Variants in KLHL41 observed in about 807,000 individuals in gnomAD.
KLHL41 encodes the protein kelch-like protein 41.
In KLHL41, 31 loss-of-function variants were observed where a neutral mutation model predicts 49.2. The observed-to-expected ratio is 0.63, with a 90% CI of 0.47 to 0.85. The LOEUF (loss-of-function observed/expected upper bound fraction) is 0.85, where lower values mean the gene tolerates loss of function less well. Among genes scored for constraint, KLHL41 ranks in the 40% least tolerant of loss-of-function variants. KLHL41 has a pLI of 0.00. For synonymous variants in KLHL41, 218 were observed against 258.5 expected (o/e 0.84, Z 1.50); for missense variants, 663 against 726.7 (o/e 0.91, Z 1.01).
In KLHL41 at chr2:169,518,233, G is replaced by A; in HGVS notation, c.1420G>A (p.Asp474Asn). 2 of 1,613,824 alleles carry A rather than the reference G, an allele frequency of 1.2e-6. No individual in the cohort carries two copies. Among genetic ancestry groups the A allele is most frequent in the Non-Finnish European group, 1.7e-6 (2 of 1,179,816 alleles). ...RVFIFNPKKG[D>N]WKDLAPMKIP... ...GTTTATCTTCAACCCCAAAAAAGGA[G>A]ATTGGAAAGATCTGGCTCCAATGAA... Residue 474 changes from aspartate to asparagine, a missense_variant, in exon 4 of 6, where the codon GAT (aspartate) becomes AAT (asparagine). Coordinates refer to ENST00000284669, the MANE Select transcript of KLHL41 (RefSeq NM_006063.3).
In KLHL41 at chr2:169,520,876, C is replaced by T. The variant is rs562170123; in HGVS notation, c.1578C>T (p.Thr526=). The T allele has an allele frequency of 1.0e-4, 162 of 1,611,834 alleles. 4 individuals carry two copies. In the South Asian group the frequency reaches 1.5e-3, roughly 15 times the overall value. The change falls in exon 5 of 6, where the codon ACC becomes ACT. Residue 526 remains threonine (T), a synonymous_variant. Coordinates refer to ENST00000284669, the MANE Select transcript of KLHL41 (RefSeq NM_006063.3). ...DLTTNKWDVM[T]EFPQERSSIS... ...TGATACCTAGATGGGATGTAATGAC[C>T]GAATTTCCCCAAGAAAGAAGCTCCA...
intron 4 of KLHL41, among the ~76,000 whole-genome samples, chr2:169,519,999 AT>A (rs200474250): frequency 0.03 from 4,508 of 151,326 alleles, 198 homozygotes; most frequent in African/African-American, 0.095. Context: ...TGCTCCTTGA[AT>A]TTTTTTTTCC....
chr2:169,509,806 GA>G lies in KLHL41; in HGVS notation c.30del (p.Glu10AspfsTer14), dbSNP rs1428394992. The G allele has an allele frequency of 6.2e-7, 1 of 1,612,662 alleles. No homozygotes were observed. Among genetic ancestry groups the G allele is most frequent in the Non-Finnish European group, 8.5e-7 (1 of 1,179,818 alleles). On this transcript the variant is annotated frameshift_variant, in exon 1 of 6. Coordinates refer to ENST00000284669, the MANE Select transcript of KLHL41 (RefSeq NM_006063.3). LOFTEE classifies it high-confidence loss of function. MDSQRELAE[E>X]LRLYQSTLLQ... ...GGATTCCCAGCGGGAACTTGCAGAG[GA>G]ACTGCGGCTTTACCAATCCACCCTT...
chr2:169,514,730 G>A lies in KLHL41; in HGVS notation c.1267G>A (p.Val423Met). ...SLDSVLCYDP[V>M]AAKWNEVKKL... ...GGATTCAGTATTATGCTATGATCCT[G>A]TGTAAGTTGGCATGATATTCCTGTT... is the stretch of plus-strand genomic sequence containing the variant. Residue 423 changes from valine to methionine, a missense_variant and splice_region_variant, in exon 2 of 6, where the codon GTG (valine) becomes ATG (methionine). Physicochemically the swap from Val to Met is conservative, Grantham distance 21. This residue lies in a region of KLHL41 where 528 missense variants were observed against 581.0 expected (regional missense o/e 0.91). Coordinates refer to ENST00000284669, the MANE Select transcript of KLHL41 (RefSeq NM_006063.3). The A allele has an allele frequency of 6.2e-7, 1 of 1,613,688 alleles. No individual in the cohort carries two copies. The highest frequency in any genetic ancestry group is 8.5e-7 in the Non-Finnish European group (1 of 1,179,816).
intron 5 of KLHL41, among the ~76,000 whole-genome samples, chr2:169,522,196 A>G (rs1684213017): frequency 6.6e-6 from 1 of 152,174 alleles, no homozygotes; most frequent in Non-Finnish European, 1.5e-5. Flanking sequence ...TATTTGTTCT[A>G]TACCTTAACC....
intron 1 of KLHL41, 120 bp from the exon 2 acceptor site, chr2:169,514,454 C>G (rs1684076245): frequency 1.5e-6 from 1 of 687,918 alleles, no homozygotes; most frequent in African/African-American, 1.8e-5. Context: ...GTTTTATTTA[C>G]TTGTGAGATA....
At chr2:169,521,049 T>A in intron 5 of KLHL41, 42 bp downstream of exon 5, 2 of 1,570,216 alleles carry the variant, frequency 1.3e-6, no homozygotes, top group African/African-American at 1.4e-5. Context: ...ACATATTAAA[T>A]CAGATGACTG....
Position 169,510,324 on chromosome 2 carries a change from C to A in KLHL41, c.546C>A (p.Val182=). The A allele has an allele frequency of 1.2e-6, 2 of 1,614,004 alleles. No homozygotes were observed. The highest frequency in any genetic ancestry group is 2.2e-5 in the South Asian group (2 of 91,030). Reference sequence around the variant, plus strand: ...TGTCTCCACAGGAACTGATCTCAGTCATTTCAAATGACAGCCTAAATGTAG... The same window carrying A: ...TGTCTCCACAGGAACTGATCTCAGTAATTTCAAATGACAGCCTAAATGTAG... ...MQLSPQELIS[V]ISNDSLNVEK... The change falls in exon 1 of 6, where the codon GTC becomes GTA. Residue 182 remains valine, a synonymous_variant. Coordinates refer to ENST00000284669, the MANE Select transcript of KLHL41 (RefSeq NM_006063.3). The surrounding 1 kb of genome is among the most constrained non-coding windows in gnomAD (Gnocchi z 4.2).
intron 4 of KLHL41, among the ~76,000 whole-genome samples, chr2:169,520,318 G>GTGTGTA (rs1559132021): frequency 4.7e-5 from 7 of 148,816 alleles, no homozygotes; most frequent in Admixed American, 2.0e-4. Flanking sequence ...GTGTATGTGT[G>GTGTGTA]TGTGTGTGTG....
At chr2:169,521,745 A>C (rs944772336) in intron 5 of KLHL41, among the ~76,000 whole-genome samples, 8 of 152,206 alleles carry the variant, frequency 5.3e-5, no homozygotes, top group African/African-American at 1.9e-4. Flanking sequence ...TTCTGTTTTC[A>C]ATCTAATTTA....
In KLHL41 at chr2:169,523,946, A is replaced by C. The variant is rs184895130; in HGVS notation, c.1710-1639A>C. On this transcript the variant is annotated intron_variant, in intron 5 of 5. Coordinates refer to ENST00000284669, the MANE Select transcript of KLHL41 (RefSeq NM_006063.3). ...CTCAATTTCCTAGTGAACCTCCCTAACCACACATGCAGAGGTGAAAACTCT... is the reference window on the plus strand; with the variant it reads ...CTCAATTTCCTAGTGAACCTCCCTACCCACACATGCAGAGGTGAAAACTCT... Among the ~76,000 whole-genome samples, 258 of 148,960 alleles carry C rather than the reference A, an allele frequency of 1.7e-3. 4 individuals carry two copies. Among genetic ancestry groups the C allele is most frequent in the Non-Finnish European group, 7.1e-4 (48 of 67,988 alleles).
At chr2:169,521,582 G>A (rs780063055) in intron 5 of KLHL41, among the ~76,000 whole-genome samples, 7 of 151,630 alleles carry the variant, frequency 4.6e-5, no homozygotes, top group African/African-American at 1.2e-4. Flanking sequence ...TAGTAGAGAC[G>A]GCATTTCGCC....
chr2:169,510,629 A>G lies in KLHL41; in HGVS notation c.851A>G (p.Asp284Gly), dbSNP rs1196569932. 2.5e-6 allele frequency: 4 copies of G among 1,614,178 alleles called. No individual in the cohort carries two copies. Among genetic ancestry groups the G allele is most frequent in the Non-Finnish European group, 3.4e-6 (4 of 1,180,026 alleles). ...GGTGAGGTGAATGGTGATGTTGGTG[A>G]TGAAGATTTACTTCCTGGTTACCTG... is the stretch of plus-strand genomic sequence containing the variant. ...GAGEVNGDVG[D>G]EDLLPGYLND... The change falls in exon 1 of 6, where the codon GAT (aspartate) becomes GGT (glycine). Residue 284 changes from aspartate to glycine, a missense_variant. Physicochemically the swap from Asp to Gly is moderately conservative, Grantham distance 94. Around this residue, in one of 3 missense-constraint regions of KLHL41, gnomAD observed 528 missense variants for 581.0 expected, o/e 0.91. Transcript: ENST00000284669. This position sits in a 1 kb window ranked among gnomAD's most constrained non-coding sequence, Gnocchi z 4.2.
Position 169,520,958 on chromosome 2 carries a change from C to A in KLHL41, c.1660C>A (p.Gln554Lys). Residue 554 changes from glutamine to lysine, a missense_variant, in exon 5 of 6, where the codon CAA becomes AAA. Coordinates refer to ENST00000284669, the MANE Select transcript of KLHL41 (RefSeq NM_006063.3). ...LYAIGGFAMIQLESKEFAPTE... is the reference protein window; with the variant it reads ...LYAIGGFAMIKLESKEFAPTE... ...TGCAATTGGTGGTTTTGCTATGATT[C>A]AACTGGAGTCTAAAGAATTTGCACC... 1 of 1,613,914 alleles carries A rather than the reference C, an allele frequency of 6.2e-7. No individual in the cohort carries two copies. Among genetic ancestry groups the A allele is most frequent in the Non-Finnish European group, 8.5e-7 (1 of 1,179,840 alleles).
chr2:169,513,276 G>A (rs905100275), intron 1 of KLHL41, among the ~76,000 whole-genome samples: 30 of 152,066 alleles, frequency 2.0e-4, no homozygotes, highest in African/African-American at 5.1e-4. Context: ...CCTGTGCCTC[G>A]GTTTCCTCAT....
At chr2:169,517,356 A>G (rs758307656) in intron 3 of KLHL41, among the ~76,000 whole-genome samples, 49 of 152,260 alleles carry the variant, frequency 3.2e-4, no homozygotes, top group Non-Finnish European at 5.7e-4. Flanking sequence ...TAATCCCAGC[A>G]CTTTGGGAGG....
chr2:169,522,378 C>T (rs1684216002), intron 5 of KLHL41, among the ~76,000 whole-genome samples: 1 of 152,002 alleles, frequency 6.6e-6, no homozygotes, highest in Non-Finnish European at 1.5e-5. Flanking sequence ...TTCCCTCCTC[C>T]CCCCAAAAAA....
intron 5 of KLHL41, among the ~76,000 whole-genome samples, chr2:169,522,805 C>T (rs991317646): frequency 1.4e-5 from 2 of 146,654 alleles, no homozygotes; most frequent in African/African-American, 5.1e-5. Context: ...TCATTGCAAC[C>T]TCCAGCTCCT....
Position 169,520,316 on chromosome 2 carries a change from G to A in KLHL41, c.1563-545G>A, listed in dbSNP as rs986920086. Among the ~76,000 whole-genome samples the A allele has an allele frequency of 6.9e-4, 97 of 139,912 alleles. 3 individuals are homozygous for A. The highest frequency in any genetic ancestry group is 9.8e-4 in the Non-Finnish European group (61 of 62,458). The allele number at this position is 139,912 out of a possible 152,430, so 91.8% of individuals were successfully genotyped here. ...TGTGTGTGTGTGTGTGTGTGTATGT[G>A]TGTGTGTGTGTGTGGAGGCAGTCCA... On this transcript the variant is annotated intron_variant, in intron 4 of 5. Coordinates refer to ENST00000284669, the MANE Select transcript of KLHL41 (RefSeq NM_006063.3).
Sources: gnomAD v4.1 joint callset for allele counts (sites outside exome capture counted in the v4.1 genomes callset) on GRCh38, gnomAD v4.1.1 for gene constraint, gnomAD v4.1.1 regional missense constraint, Gnocchi (gnomAD v3.1) non-coding constraint, MANE v1.5 for transcripts, NCBI Gene and HGNC (gene_info 2026-07-23, HGNC 2026-07-21) for gene names.